Variants in MLLT1 observed in about 807,000 individuals in gnomAD.
MLLT1 encodes the protein MLLT1 super elongation complex subunit, also known as protein ENL.
MLLT1 carries 11 observed loss-of-function variants against 55.1 expected under a neutral mutation model. That is an observed-to-expected ratio of 0.20 (90% confidence interval 0.13 to 0.33). MLLT1 has a LOEUF of 0.33. Ranked by LOEUF, MLLT1 falls within the 10% of genes least tolerant of loss-of-function variation. MLLT1 has a pLI of 1.00. For synonymous variants in MLLT1, 323 were observed against 320.1 expected (o/e 1.01, Z -0.10); for missense variants, 536 against 760.6 (o/e 0.70, Z 3.47).
intron 8 of MLLT1, among the ~76,000 whole-genome samples, chr19:6,215,041 G>A (rs1451849487): frequency 2.0e-5 from 3 of 152,130 alleles, no homozygotes; most frequent in Admixed American, 6.5e-5. Flanking sequence ...TGCTCCTGCC[G>A]GCCTCTGCCC....
chr19:6,277,487 T>C (rs1467033156), intron 1 of MLLT1, among the ~76,000 whole-genome samples: 1 of 152,152 alleles, frequency 6.6e-6, no homozygotes, highest in Non-Finnish European at 1.5e-5. Flanking sequence ...GAAGTTGTCA[T>C]TCGAGTTAGT....
intron 7 of MLLT1, 60 bp from the exon 8 acceptor site, chr19:6,216,573 G>A (rs150531031): frequency 4.5e-4 from 582 of 1,293,772 alleles, no homozygotes; most frequent in Admixed American, 2.0e-3. Flanking sequence ...GAGCCTCCAG[G>A]GCCCCTCGCC....
In MLLT1 at chr19:6,273,432, C is replaced by T. The variant is rs1381387166; in HGVS notation, c.13-2673G>A. Among the ~76,000 whole-genome samples the T allele has an allele frequency of 6.6e-6, 1 of 152,150 alleles. No individual in the cohort carries two copies. Among genetic ancestry groups the T allele is most frequent in the East Asian group, 1.9e-4 (1 of 5,198 alleles). ...AAGATCAGGCGCACTCATAAACCCC[C>T]GGCGCTGCGGATTCATGAGGATCTC... On this transcript the variant is annotated intron_variant, in intron 1 of 11. Coordinates refer to ENST00000252674, the MANE Select transcript of MLLT1 (RefSeq NM_005934.4). This position sits in a 1 kb window ranked among gnomAD's most constrained non-coding sequence, Gnocchi z 4.3.
chr19:6,213,364 C>A lies in MLLT1; in HGVS notation c.1524G>T (p.Ala508=). 2 of 1,612,158 alleles carry A rather than the reference C, an allele frequency of 1.2e-6. No individual in the cohort carries two copies. Among genetic ancestry groups the A allele is most frequent in the African/African-American group, 1.3e-5 (1 of 75,030 alleles). ...GCTGCAGCACGTTGCGCTCCCGCAG[C>A]GCCATCAGCCTCCGGTGTAGCTCCA... ...ELVELHRRLM[A]LRERNVLQQI... is the part of the protein sequence containing the mutation. Residue 508 remains alanine, a synonymous_variant, in exon 11 of 12, where the codon GCG becomes GCT. Coordinates refer to ENST00000252674, the MANE Select transcript of MLLT1 (RefSeq NM_005934.4).
chr19:6,220,199 C>T (rs2090883613), intron 6 of MLLT1, among the ~76,000 whole-genome samples: 1 of 152,254 alleles, frequency 6.6e-6, no homozygotes, highest in African/African-American at 2.4e-5. Flanking sequence ...CACACACAGC[C>T]TCTGGGGAGG....
chr19:6,251,914 C>T (rs916012868), intron 3 of MLLT1, among the ~76,000 whole-genome samples: 1 of 152,106 alleles, frequency 6.6e-6, no homozygotes, highest in Non-Finnish European at 1.5e-5. Context: ...GAGATTGTAC[C>T]ACTGCACTCC....
At chr19:6,278,782 C>T (rs2091441366) in intron 1 of MLLT1, among the ~76,000 whole-genome samples, 1 of 152,146 alleles carries the variant, frequency 6.6e-6, no homozygotes, top group Non-Finnish European at 1.5e-5. Flanking sequence ...GAAACTGCTC[C>T]TGGTCCTGGT....
intron 2 of MLLT1, among the ~76,000 whole-genome samples, chr19:6,264,470 AG>A (rs2091330348): frequency 6.6e-6 from 1 of 152,164 alleles, no homozygotes; most frequent in Non-Finnish European, 1.5e-5. Flanking sequence ...TCCCACCAGG[AG>A]GAAAGAGCCC....
At chr19:6,278,961 C>T (rs915306817) in intron 1 of MLLT1, among the ~76,000 whole-genome samples, 1 of 151,364 alleles carries the variant, frequency 6.6e-6, no homozygotes, top group Non-Finnish European at 1.5e-5. Context: ...TGAGTCCCTG[C>T]AGCAGAAGAC....
At chr19:6,258,725 T>C (rs533909999) in intron 3 of MLLT1, among the ~76,000 whole-genome samples, 3 of 152,224 alleles carry the variant, frequency 2.0e-5, no homozygotes, top group Non-Finnish European at 4.4e-5. Context: ...TATACAAGAA[T>C]AGAGCTGTCG....
rs2144868869 is a variant in MLLT1, at chr19:6,226,591, C to T, written c.546+386G>A. Among the ~76,000 whole-genome samples the T allele has an allele frequency of 6.6e-6, 1 of 152,306 alleles. No homozygotes were observed. Among genetic ancestry groups the T allele is most frequent in the Admixed American group, 6.5e-5 (1 of 15,310 alleles). On this transcript the variant is annotated intron_variant, in intron 5 of 11. Transcript: ENST00000252674. This position sits in a 1 kb window ranked among gnomAD's most constrained non-coding sequence, Gnocchi z 6.3. ...GGGCAGAAGTAGCCCCAGCTGCCCTCAGGAGGGTTGAAGAGGTGGGTAGCT... is the reference window on the plus strand; with the variant it reads ...GGGCAGAAGTAGCCCCAGCTGCCCTTAGGAGGGTTGAAGAGGTGGGTAGCT...
chr19:6,272,685 G>A (rs969442491), intron 1 of MLLT1, among the ~76,000 whole-genome samples: 3 of 152,226 alleles, frequency 2.0e-5, no homozygotes, highest in South Asian at 4.1e-4. Context: ...TTGAAACCAC[G>A]GGACAGGAGG....
chr19:6,265,784 T>G (rs114907000), intron 2 of MLLT1, among the ~76,000 whole-genome samples: 1,824 of 151,818 alleles, frequency 0.012, 35 homozygotes, highest in African/African-American at 0.042. Context: ...ATTGAGGCCA[T>G]CCTGACCAAC....
chr19:6,216,700 C>G (rs761975556), intron 7 of MLLT1, 187 bp from the exon 8 acceptor site: 14 of 578,780 alleles, frequency 2.4e-5, no homozygotes, highest in Non-Finnish European at 3.1e-6. Context: ...CCACCCGCTT[C>G]CCCTAGAACG....
chr19:6,255,990 A>G (rs1794865751), intron 3 of MLLT1, among the ~76,000 whole-genome samples: 1 of 151,804 alleles, frequency 6.6e-6, no homozygotes, highest in Non-Finnish European at 1.5e-5. Flanking sequence ...AGGCCGAGGC[A>G]GGTAGATCAC....
At position 6,279,884 on chromosome 19, in the gene MLLT1, G is replaced by GCGCCGCCGCCGCCGC. The variant is rs570920732; in HGVS notation, c.-115_-101dup. ...CCCCGCCGCCCTCATTGTCTGTCAA[G>GCGCCGCCGCCGCCGC]CGCCGCCGCCGCCGCCGCCGCCGCC... is the stretch of plus-strand genomic sequence containing the variant. On this transcript the variant is annotated 5_prime_UTR_variant, in exon 1 of 12. Coordinates refer to ENST00000252674, the MANE Select transcript of MLLT1 (RefSeq NM_005934.4). 11 of 163,226 alleles carry GCGCCGCCGCCGCCGC rather than the reference G, an allele frequency of 6.7e-5. No homozygotes were observed. The highest frequency in any genetic ancestry group is 2.5e-4 in the African/African-American group (10 of 40,336). 10.1% of individuals were successfully genotyped at this position (163,226 alleles called of 1,614,324 possible).
At chr19:6,233,704 G>A (rs1187356705) in intron 3 of MLLT1, among the ~76,000 whole-genome samples, 6 of 152,342 alleles carry the variant, frequency 3.9e-5, no homozygotes, top group South Asian at 4.1e-4. Context: ...AGGCCCTGGC[G>A]CCTCTTGCCT....
chr19:6,211,739 C>A lies in MLLT1; in HGVS notation c.*1303G>T. On this transcript the variant is annotated 3_prime_UTR_variant, in exon 12 of 12. Coordinates refer to ENST00000252674, the MANE Select transcript of MLLT1 (RefSeq NM_005934.4). The surrounding 1 kb of genome is among the most constrained non-coding windows in gnomAD (Gnocchi z 4.6). ...GAGGCTAACCAGGCAGGCCTCCAGC[C>A]CCTGGGACCCCCAGCCACGATGGGC... 1 of 1,064,656 alleles carries A rather than the reference C, an allele frequency of 9.4e-7. No homozygotes were observed. Among genetic ancestry groups the A allele is most frequent in the Non-Finnish European group, 1.1e-6 (1 of 878,842 alleles). 66.0% of individuals were successfully genotyped at this position (1,064,656 alleles called of 1,614,324 possible).
intron 2 of MLLT1, among the ~76,000 whole-genome samples, chr19:6,266,996 G>A (rs1036901205): frequency 6.6e-6 from 1 of 152,102 alleles, no homozygotes; most frequent in Non-Finnish European, 1.5e-5. Context: ...CAGGTAAGGC[G>A]GCTGACACCT....
Sources: gnomAD v4.1 joint callset for allele counts (sites outside exome capture counted in the v4.1 genomes callset) on GRCh38, gnomAD v4.1.1 for gene constraint, Gnocchi (gnomAD v3.1) non-coding constraint, MANE v1.5 for transcripts, NCBI Gene and HGNC (gene_info 2026-07-23, HGNC 2026-07-21) for gene names.